PC: variants seen among roughly 807,000 people sequenced by gnomAD.
PC encodes pyruvate carboxylase, mitochondrial.
PC carries 46 observed loss-of-function variants against 107.8 expected under a neutral mutation model. The ratio of observed to expected loss-of-function variants is 0.43; its 90% CI spans 0.34 to 0.55. The LOEUF is 0.55. Ranked by LOEUF, PC falls within the 20% of genes least tolerant of loss-of-function variation. The probability of loss-of-function intolerance (pLI) is 0.04; values close to 1 mark genes in which losing one functional copy is unlikely to be tolerated. For synonymous variants in PC, 662 were observed against 684.7 expected, an observed-to-expected ratio of 0.97 and a Z score of 0.52; for missense variants, 1,241 against 1,643.1, an observed-to-expected ratio of 0.76 and a Z score of 4.23.
In PC at chr11:66,861,812, G is replaced by A. The variant is rs371490879; in HGVS notation, c.1368+1962C>T. 1.2e-3 allele frequency among the ~76,000 whole-genome samples: 184 copies of A among 152,172 alleles called. 2 individuals are homozygous for A. Among genetic ancestry groups the A allele is most frequent in the African/African-American group, 1.6e-3 (68 of 41,508 alleles). ...AGACACTTATCCTGCTGCTGGCCCC[G>A]TGGTCACGGTCTCTAGTGCCCCTTT... On this transcript the variant is annotated intron_variant, in intron 12 of 22. Transcript: ENST00000393960.
chr11:66,897,956 G>T (rs1244703495), intron 3 of PC, among the ~76,000 whole-genome samples: 1 of 152,142 alleles, frequency 6.6e-6, no homozygotes, highest in Admixed American at 6.5e-5. Flanking sequence ...TTACTGAAAA[G>T]AAAATTGAGG....
chr11:66,877,839 GT>G (rs569130918), intron 3 of PC, among the ~76,000 whole-genome samples: 1 of 152,136 alleles, frequency 6.6e-6, no homozygotes, highest in African/African-American at 2.4e-5. Flanking sequence ...ATCTCATGAA[GT>G]TTTTTTAAAG....
At chr11:66,880,176 A>T (rs1380872072) in intron 3 of PC, among the ~76,000 whole-genome samples, 24 of 152,182 alleles carry the variant, frequency 1.6e-4, no homozygotes, top group Non-Finnish European at 2.9e-5. Flanking sequence ...CCAGATCTGA[A>T]ACCCAGGCCT....
intron 12 of PC, chr11:66,860,001 C>T: frequency 1.3e-6 from 2 of 1,594,246 alleles, no homozygotes; most frequent in Non-Finnish European, 1.7e-6. Flanking sequence ...CAAGGCCCAC[C>T]CGCCGCGGAG....
chr11:66,898,581 G>A (rs1032490823), intron 3 of PC, among the ~76,000 whole-genome samples: 1 of 152,208 alleles, frequency 6.6e-6, no homozygotes, highest in South Asian at 2.1e-4. Context: ...TTAGGAGGCT[G>A]AGACAGGAGA....
At chr11:66,921,936 T>C (rs1181524120) in intron 3 of PC, among the ~76,000 whole-genome samples, 1 of 152,142 alleles carries the variant, frequency 6.6e-6, no homozygotes, top group Non-Finnish European at 1.5e-5. Context: ...CTGTCAAGGA[T>C]CTACAAAGAG....
intron 2 of PC, among the ~76,000 whole-genome samples, chr11:66,953,839 G>A (rs1843734598): frequency 6.6e-6 from 1 of 152,112 alleles, no homozygotes; most frequent in Admixed American, 6.6e-5. Context: ...GTTACTCTGG[G>A]CGTTATTTCA....
chr11:66,850,549 T>G, intron 18 of PC, 85 bp from the exon 19 acceptor site: 1 of 1,607,292 alleles, frequency 6.2e-7, no homozygotes, highest in Middle Eastern at 1.7e-4. Context: ...CATGTCTGAC[T>G]CAGGTGACAG....
At chr11:66,869,472 C>G (rs1281026434) in intron 9 of PC, among the ~76,000 whole-genome samples, 2 of 152,058 alleles carry the variant, frequency 1.3e-5, no homozygotes, top group Admixed American at 1.3e-4. Context: ...AATTTCAGCC[C>G]TAATTCCAGT....
intron 3 of PC, among the ~76,000 whole-genome samples, chr11:66,896,646 T>G (rs1461359399): frequency 4.6e-5 from 7 of 152,172 alleles, no homozygotes; most frequent in Admixed American, 1.3e-4. Flanking sequence ...GAAGCCTCAC[T>G]CTTACTGATG....
rs1010873773 is a variant in PC at position 66,866,012 on chromosome 11, C to T, written c.1185+175G>A. ...CCCAGCAGTCTCTTCCCCTGGGAGG[C>T]GCCGCCCCTCCTCTGGGCACTGCCT... is the stretch of plus-strand genomic sequence containing the variant. On this transcript the variant is annotated intron_variant, in intron 11 of 22. Coordinates refer to ENST00000393960, the MANE Select transcript of PC (RefSeq NM_001040716.2). The surrounding 1 kb of genome is among the most constrained non-coding windows in gnomAD (Gnocchi z 5.4). 6.6e-5 allele frequency among the ~76,000 whole-genome samples: 10 copies of T among 152,198 alleles called. No individual in the cohort carries two copies. The highest frequency in any genetic ancestry group is 1.2e-4 in the Non-Finnish European group (8 of 68,036).
intron 3 of PC, among the ~76,000 whole-genome samples, chr11:66,916,979 T>C (rs1948477318): frequency 6.7e-6 from 1 of 150,030 alleles, no homozygotes; most frequent in African/African-American, 2.5e-5. Context: ...AATAAAATAT[T>C]TGGGAGCACA....
At chr11:66,855,051 C>T (rs1352340732) in intron 12 of PC, among the ~76,000 whole-genome samples, 1 of 152,272 alleles carries the variant, frequency 6.6e-6, no homozygotes, top group Non-Finnish European at 1.5e-5. Context: ...GCTGAGGAAC[C>T]TGCACGGGCA....
chr11:66,871,586 C>T lies in PC; in HGVS notation c.321+101G>A. ...GCTGAGCTGCATCCGTTTACCCACC[C>T]ACGCACAGAGGCGCTGAGCACGCCA... is the stretch of plus-strand genomic sequence containing the variant. On this transcript the variant is annotated intron_variant, in intron 5 of 22. Transcript: ENST00000393960. The surrounding 1 kb of genome is among the most constrained non-coding windows in gnomAD (Gnocchi z 7.4). 1 of 1,583,698 alleles carries T rather than the reference C, an allele frequency of 6.3e-7. No individual in the cohort carries two copies. The highest frequency in any genetic ancestry group is 8.6e-7 in the Non-Finnish European group (1 of 1,156,334).
At chr11:66,892,211 T>G (rs1273544380) in intron 3 of PC, among the ~76,000 whole-genome samples, 1 of 152,142 alleles carries the variant, frequency 6.6e-6, no homozygotes, top group Non-Finnish European at 1.5e-5. Flanking sequence ...AAGACTGGCC[T>G]TGAACTAGAT....
At chr11:66,881,023 G>T (rs1269031186) in intron 3 of PC, among the ~76,000 whole-genome samples, 1 of 152,216 alleles carries the variant, frequency 6.6e-6, no homozygotes, top group East Asian at 1.9e-4. Flanking sequence ...GCCAGGGCCA[G>T]CAACCAGCTC....
At chr11:66,887,638 A>G (rs1233804740) in intron 3 of PC, among the ~76,000 whole-genome samples, 1 of 152,256 alleles carries the variant, frequency 6.6e-6, no homozygotes, top group African/African-American at 2.4e-5. Flanking sequence ...TCCAGCATCC[A>G]GCTGCCTGGG....
Position 66,866,401 on chromosome 11 carries a change from G to A in PC, c.1023-52C>T, listed in dbSNP as rs745754435. ...AAGGACGGGAGAAAGGGGGAAACAT[G>A]AGGCGGGGGATAGACGAGGGGCACC... On this transcript the variant is annotated intron_variant, in intron 10 of 22. Transcript: ENST00000393960. This position sits in a 1 kb window ranked among gnomAD's most constrained non-coding sequence, Gnocchi z 5.4. 7.7e-7 allele frequency: 1 copy of A among 1,299,270 alleles called. No individual in the cohort carries two copies. The highest frequency in any genetic ancestry group is 1.8e-5 in the Admixed American group (1 of 54,086). 80.5% of individuals were successfully genotyped at this position (1,299,270 alleles called of 1,614,324 possible).
rs982225457 is a variant in PC, at chr11:66,849,216, G to A, written c.3288+14C>T. 1.3e-5 allele frequency: 21 copies of A among 1,613,604 alleles called. No individual in the cohort carries two copies. Among genetic ancestry groups the A allele is most frequent in the Admixed American group, 3.3e-5 (2 of 59,996 alleles). Reference sequence around the variant, plus strand: ...CAAGCCCCACCGCCTGGCTGGCCCTGGGGGAGACAATACCTTCATGGCCTG... The same window carrying A: ...CAAGCCCCACCGCCTGGCTGGCCCTAGGGGAGACAATACCTTCATGGCCTG... On this transcript the variant is annotated intron_variant, in intron 22 of 22. Transcript: ENST00000393960.
Sources: allele counts gnomAD v4.1 joint callset (sites outside exome capture counted in the v4.1 genomes callset), GRCh38; gene constraint gnomAD v4.1.1; non-coding constraint Gnocchi (gnomAD v3.1); transcripts MANE v1.5; gene names NCBI Gene and HGNC (gene_info 2026-07-23, HGNC 2026-07-21).